The following CCDC63 variants were observed in gnomAD, a reference collection of about 807,000 sequenced individuals.
The protein encoded by CCDC63 is coiled-coil domain containing 63.
A neutral mutation model predicts 63.6 loss-of-function variants in CCDC63; 54 were observed. The ratio of observed to expected loss-of-function variants is 0.85; its 90% CI spans 0.68 to 1.07. The LOEUF is 1.07. Ranked by LOEUF, CCDC63 falls within the 50% of genes least tolerant of loss-of-function variation. CCDC63 has a pLI of 0.00. For synonymous variants in CCDC63, 253 were observed against 266.1 expected (o/e 0.95, Z 0.48); for missense variants, 637 against 689.6 (o/e 0.92, Z 0.86).
At chr12:110,884,360 C>A in intron 8 of CCDC63, 110 bp downstream of exon 8, 2 of 769,102 alleles carry the variant, frequency 2.6e-6, no homozygotes, top group South Asian at 1.6e-5. Flanking sequence ...AGCAGTTTGG[C>A]CAACACCGCT....
At chr12:110,859,670 CAA>C (rs533303804) in intron 4 of CCDC63, among the ~76,000 whole-genome samples, 1 of 134,238 alleles carries the variant, frequency 7.4e-6, no homozygotes, top group Admixed American at 7.6e-5. Flanking sequence ...ATTATGGTAA[CAA>C]AAAAAAAAAG....
At chr12:110,892,877 T>C (rs1014869381) in intron 8 of CCDC63, among the ~76,000 whole-genome samples, 199 bp from the exon 9 acceptor site, 1 of 151,190 alleles carries the variant, frequency 6.6e-6, no homozygotes, top group Non-Finnish European at 1.5e-5. Context: ...TTTCATGCTC[T>C]CACCCTCCTT....
chr12:110,887,287 G>C (rs999553732), intron 8 of CCDC63, among the ~76,000 whole-genome samples: 11 of 151,770 alleles, frequency 7.2e-5, no homozygotes, highest in African/African-American at 1.5e-4. Flanking sequence ...CACCACACCT[G>C]GCTAATTTTT....
chr12:110,900,834 G>A lies in CCDC63; in HGVS notation c.1342+1709G>A, dbSNP rs909838878. On this transcript the variant is annotated intron_variant, in intron 10 of 11. Transcript: ENST00000308208. ...AGGATGGTCTCGATCTCCTGACCTC[G>A]TGATCCACCCACCTTGGCCTCCTAA... Among the ~76,000 whole-genome samples the A allele has an allele frequency of 9.2e-5, 14 of 152,164 alleles. No homozygotes were observed. The East Asian group carries it at 1.5e-3, about 17-fold the overall frequency.
chr12:110,878,355 C>G (rs12305041), intron 5 of CCDC63, among the ~76,000 whole-genome samples: 3,645 of 152,236 alleles, frequency 0.024, 171 homozygotes, highest in African/African-American at 0.083. Flanking sequence ...CACTCTGTTG[C>G]CCAGGCTGGA....
chr12:110,857,660 G>T (rs1354916360), intron 3 of CCDC63, among the ~76,000 whole-genome samples: 1 of 152,172 alleles, frequency 6.6e-6, no homozygotes, highest in East Asian at 1.9e-4. Context: ...ATCTCCCCTT[G>T]TTCCATTGTG....
At chr12:110,875,252 C>T (rs2071115779) in intron 5 of CCDC63, among the ~76,000 whole-genome samples, 1 of 152,180 alleles carries the variant, frequency 6.6e-6, no homozygotes, top group Admixed American at 6.6e-5. Flanking sequence ...CCAGATTCAC[C>T]AAATCAGAAC....
intron 8 of CCDC63, among the ~76,000 whole-genome samples, chr12:110,891,197 G>C (rs2136720702): frequency 6.6e-6 from 1 of 152,230 alleles, no homozygotes; most frequent in African/African-American, 2.4e-5. Flanking sequence ...TGCAGTCCCA[G>C]CTACTCAGGA....
intron 9 of CCDC63, among the ~76,000 whole-genome samples, chr12:110,897,346 G>C (rs2136735500): frequency 6.6e-6 from 1 of 152,034 alleles, no homozygotes; most frequent in South Asian, 2.1e-4. Flanking sequence ...CCAGCACTTT[G>C]GGATACTGAG....
chr12:110,904,887 T>G (rs1163988861), intron 11 of CCDC63, 96 bp downstream of exon 11: 1 of 978,522 alleles, frequency 1.0e-6, no homozygotes, highest in East Asian at 2.6e-5. Context: ...GGGTCTGCAG[T>G]GTTGAACCTC....
chr12:110,871,287 G>A (rs185921198), intron 4 of CCDC63, among the ~76,000 whole-genome samples: 27 of 152,018 alleles, frequency 1.8e-4, no homozygotes, highest in Non-Finnish European at 2.5e-4. Flanking sequence ...GACTACTGGC[G>A]CCCGCCACCA....
intron 1 of CCDC63, among the ~76,000 whole-genome samples, chr12:110,847,706 G>A (rs1385394583): frequency 1.3e-5 from 2 of 152,084 alleles, no homozygotes; most frequent in African/African-American, 4.8e-5. Context: ...CTCCTGTTTG[G>A]CTAGTGCCCT....
intron 4 of CCDC63, among the ~76,000 whole-genome samples, chr12:110,868,150 C>T (rs1186493263): frequency 1.5e-4 from 22 of 148,770 alleles, no homozygotes; most frequent in Non-Finnish European, 2.7e-4. Context: ...CGGGCAGAGA[C>T]GCTCCTCACT....
At chr12:110,898,870 G>A (rs894253774) in intron 9 of CCDC63, 63 bp from the exon 10 acceptor site, 1 of 1,384,230 alleles carries the variant, frequency 7.2e-7, no homozygotes, top group Admixed American at 2.4e-5. Context: ...ACCCCAGAGG[G>A]TCCCAAACAC....
At position 110,873,975 on chromosome 12, in the gene CCDC63, TCTCTGCAG is replaced by T; in HGVS notation, c.489+22_489+29del. On this transcript the variant is annotated intron_variant, in intron 5 of 11. Coordinates refer to ENST00000308208, the MANE Select transcript of CCDC63 (RefSeq NM_152591.3). ...CGTTTGAATCTCGTATGTAAAGTGT[TCTCTGCAG>T]CTCTGCAAACAGCTCTGCCCACGTT... The T allele has an allele frequency of 6.2e-7, 1 of 1,602,552 alleles. No individual in the cohort carries two copies. Among genetic ancestry groups the T allele is most frequent in the Non-Finnish European group, 8.5e-7 (1 of 1,174,398 alleles).
At position 110,892,346 on chromosome 12, in the gene CCDC63, C is replaced by T. The variant is rs578173482; in HGVS notation, c.1075-730C>T. On this transcript the variant is annotated intron_variant, in intron 8 of 11. Coordinates refer to ENST00000308208, the MANE Select transcript of CCDC63 (RefSeq NM_152591.3). ...ATCCCAGCACTTTGGGAGGCTGAGGCGGAAGGATTGCTTGAGTGTAGGAGT... is the reference window on the plus strand; with the variant it reads ...ATCCCAGCACTTTGGGAGGCTGAGGTGGAAGGATTGCTTGAGTGTAGGAGT... Among the ~76,000 whole-genome samples, 5 of 152,032 alleles carry T rather than the reference C, an allele frequency of 3.3e-5. No homozygotes were observed. In the South Asian group the frequency reaches 6.2e-4, roughly 19 times the overall value.
intron 4 of CCDC63, among the ~76,000 whole-genome samples, chr12:110,864,522 C>T (rs926274392): frequency 1.3e-5 from 2 of 151,420 alleles, no homozygotes; most frequent in African/African-American, 4.9e-5. Flanking sequence ...TCAGGAGTTC[C>T]GAACAGACCA....
chr12:110,905,230 A>G lies in CCDC63; in HGVS notation c.1546+439A>G, dbSNP rs894141787. 4.6e-5 allele frequency among the ~76,000 whole-genome samples: 7 copies of G among 152,086 alleles called. No individual in the cohort carries two copies. In the South Asian group the frequency reaches 1.5e-3, roughly 32 times the overall value. On this transcript the variant is annotated intron_variant, in intron 11 of 11. Coordinates refer to ENST00000308208, the MANE Select transcript of CCDC63 (RefSeq NM_152591.3). ...CTGACCCATTGTGCCTCCAGGACCC[A>G]TCCTTGGCCCCTCCCCATTTTTGTC...
chr12:110,850,315 A>G (rs2136636836), intron 1 of CCDC63, among the ~76,000 whole-genome samples: 1 of 152,336 alleles, frequency 6.6e-6, no homozygotes, highest in Non-Finnish European at 1.5e-5. Flanking sequence ...CCCTGCCTGG[A>G]TCTGAGAGGA....
Sources: gnomAD v4.1 joint callset for allele counts (sites outside exome capture counted in the v4.1 genomes callset) on GRCh38, gnomAD v4.1.1 for gene constraint, MANE v1.5 for transcripts, NCBI Gene and HGNC (gene_info 2026-07-23, HGNC 2026-07-21) for gene names.